Variants in PRLR observed in about 807,000 individuals in gnomAD.
PRLR encodes prolactin receptor, also known as hPRL receptor.
PRLR carries 13 observed loss-of-function variants against 40.2 expected under a neutral mutation model. The observed-to-expected ratio is 0.32, with a 90% CI of 0.21 to 0.51. The LOEUF (loss-of-function observed/expected upper bound fraction) is 0.51. PRLR is among the 20% of genes least tolerant of loss of function. PRLR has a pLI of 0.97. For missense variants in PRLR, 656 were observed against 747.3 expected (o/e 0.88, Z 1.42); for synonymous variants, 269 against 278.7 (o/e 0.97, Z 0.35).
chr5:35,189,703 A>T lies in PRLR; in HGVS notation c.-106+40565T>A, dbSNP rs550092185. Among the ~76,000 whole-genome samples, 33 of 152,274 alleles carry T rather than the reference A, an allele frequency of 2.2e-4. No individual in the cohort carries two copies. The Middle Eastern group carries it at 0.01, about 47-fold the overall frequency. ...GTGGGAGTCAAGACGCCGGAGTTCT[A>T]GGTTCTTTGCACCTCATTTAGCTCT... On this transcript the variant is annotated intron_variant, in intron 1 of 9. Coordinates refer to ENST00000618457, the MANE Select transcript of PRLR (RefSeq NM_000949.7).
chr5:35,092,939 C>T (rs1022485281), intron 2 of PRLR, among the ~76,000 whole-genome samples: 2 of 152,186 alleles, frequency 1.3e-5, no homozygotes, highest in African/African-American at 4.8e-5. Context: ...CCTCCCCTTA[C>T]CATATGCAAA....
At position 35,219,239 on chromosome 5, in the gene PRLR, A is replaced by G. The variant is rs535502847; in HGVS notation, c.-106+11029T>C. On this transcript the variant is annotated intron_variant, in intron 1 of 9. Coordinates refer to ENST00000618457, the MANE Select transcript of PRLR (RefSeq NM_000949.7). ...TCTACTTCTGAAGGTGGCAGCTTCAATTACATAGAAAAGTGGCACAACATA... is the reference window on the plus strand; with the variant it reads ...TCTACTTCTGAAGGTGGCAGCTTCAGTTACATAGAAAAGTGGCACAACATA... Among the ~76,000 whole-genome samples the G allele has an allele frequency of 1.4e-4, 22 of 152,334 alleles. No homozygotes were observed. The East Asian group carries it at 4.2e-3, about 29-fold the overall frequency.
intron 1 of PRLR, among the ~76,000 whole-genome samples, chr5:35,220,288 C>T (rs1776383214): frequency 6.6e-6 from 1 of 152,194 alleles, no homozygotes; most frequent in South Asian, 2.1e-4. Flanking sequence ...TACCTCGGGT[C>T]CAGCCACAAT....
In PRLR at chr5:35,083,068, T is replaced by TACACACAC. The variant is rs3836809; in HGVS notation, c.373+1394_373+1401dup. On this transcript the variant is annotated intron_variant, in intron 5 of 9. Transcript: ENST00000618457. ...ATTATAATGCTTGAGGGTAAGGCAA[T>TACACACAC]ACACACACACACACACACACACACA... is the stretch of plus-strand genomic sequence containing the variant. 8.7e-3 allele frequency among the ~76,000 whole-genome samples: 1,254 copies of TACACACAC among 144,818 alleles called. 13 individuals carry two copies. The highest frequency in any genetic ancestry group is 0.02 in the African/African-American group (801 of 39,774).
At chr5:35,148,991 A>C (rs763985082) in intron 1 of PRLR, among the ~76,000 whole-genome samples, 1 of 152,140 alleles carries the variant, frequency 6.6e-6, no homozygotes, top group African/African-American at 2.4e-5. Flanking sequence ...ATTTTTGAGG[A>C]CAGATGATCC....
rs1400161858 is a variant in PRLR at position 35,056,412 on chromosome 5, A to T, written c.*8677T>A. ...GGGCTTTTCAATAATTCTATTTCTT[A>T]TCCTTCTCCCTAGTCCCCCCACTGC... On this transcript the variant is annotated 3_prime_UTR_variant, in exon 10 of 10. Coordinates refer to ENST00000618457, the MANE Select transcript of PRLR (RefSeq NM_000949.7). 1 of 152,022 alleles carries T rather than the reference A, an allele frequency of 6.6e-6. No individual in the cohort carries two copies. Among genetic ancestry groups the T allele is most frequent in the Admixed American group, 6.6e-5 (1 of 15,242 alleles). The allele number at this position is 152,022 out of a possible 1,614,324, so 9.4% of individuals were successfully genotyped here.
chr5:35,178,006 A>G (rs1194132525), intron 1 of PRLR, among the ~76,000 whole-genome samples: 1 of 151,322 alleles, frequency 6.6e-6, no homozygotes, highest in Non-Finnish European at 1.5e-5. Flanking sequence ...AATCATAGCC[A>G]TCCTAGTGAC....
At chr5:35,182,969 T>C (rs927030099) in intron 1 of PRLR, among the ~76,000 whole-genome samples, 6 of 152,250 alleles carry the variant, frequency 3.9e-5, no homozygotes, top group Non-Finnish European at 2.9e-5. Context: ...ACACTCTTCT[T>C]GTTTACCCAC....
At chr5:35,136,090 AG>A (rs1773850428) in intron 1 of PRLR, among the ~76,000 whole-genome samples, 1 of 152,256 alleles carries the variant, frequency 6.6e-6, no homozygotes, top group Non-Finnish European at 1.5e-5. Flanking sequence ...AATGTGAGGT[AG>A]GGAAATCATA....
At chr5:35,220,822 T>G (rs1335233239) in intron 1 of PRLR, among the ~76,000 whole-genome samples, 1 of 152,208 alleles carries the variant, frequency 6.6e-6, no homozygotes, top group African/African-American at 2.4e-5. Flanking sequence ...AACAAAATGC[T>G]ACATCACCTT....
intron 1 of PRLR, among the ~76,000 whole-genome samples, chr5:35,123,524 G>A (rs938413448): frequency 2.0e-5 from 3 of 152,174 alleles, no homozygotes; most frequent in African/African-American, 7.2e-5. Context: ...CCTAATACAT[G>A]TTGGGTGCTA....
intron 5 of PRLR, among the ~76,000 whole-genome samples, chr5:35,073,256 T>C (rs1275883035): frequency 2.0e-5 from 3 of 152,218 alleles, no homozygotes; most frequent in African/African-American, 7.2e-5. Context: ...TTACATCTTA[T>C]ATTCAACATA....
rs894474064 is a variant in PRLR at position 35,055,903 on chromosome 5, A to T, written c.*9186T>A. The T allele has an allele frequency of 3.3e-5, 5 of 152,210 alleles. No homozygotes were observed. Among genetic ancestry groups the T allele is most frequent in the Non-Finnish European group, 1.5e-5 (1 of 68,038 alleles). The allele number at this position is 152,210 out of a possible 1,614,324, so 9.4% of individuals were successfully genotyped here. ...AATTTTTAATAACTTTATAAGGAGC[A>T]AATGTGTCACCTTAAAAATGTACCA... On this transcript the variant is annotated 3_prime_UTR_variant, in exon 10 of 10. Coordinates refer to ENST00000618457, the MANE Select transcript of PRLR (RefSeq NM_000949.7).
At chr5:35,049,498 T>C (rs1768403859) in intron 8 of PRLR, 2 of 637,948 alleles carry the variant, frequency 3.1e-6, no homozygotes, top group Non-Finnish European at 5.6e-6. Flanking sequence ...AGAAAATAAA[T>C]TATTCGGATT....
chr5:35,174,235 G>A (rs555474344), intron 1 of PRLR, among the ~76,000 whole-genome samples: 46 of 152,248 alleles, frequency 3.0e-4, no homozygotes, highest in Admixed American at 9.8e-4. Context: ...GACTACAGGC[G>A]TAGGCCGCCA....
intron 2 of PRLR, among the ~76,000 whole-genome samples, chr5:35,094,345 G>T (rs1771403779): frequency 6.6e-6 from 1 of 152,112 alleles, no homozygotes; most frequent in South Asian, 2.1e-4. Context: ...CATCCTTGTT[G>T]TTACATGTAG....
intron 5 of PRLR, among the ~76,000 whole-genome samples, chr5:35,078,491 A>G (rs1770265985): frequency 6.6e-6 from 1 of 152,156 alleles, no homozygotes; most frequent in African/African-American, 2.4e-5. Context: ...ACACCCTCCC[A>G]AGACTAAACC....
intron 8 of PRLR, among the ~76,000 whole-genome samples, chr5:35,050,660 C>T (rs1450845340): frequency 6.6e-6 from 1 of 152,164 alleles, no homozygotes; most frequent in Non-Finnish European, 1.5e-5. Flanking sequence ...CACACAGGTT[C>T]ACCAGTGATT....
At chr5:35,090,874 G>C (rs1467199683) in intron 2 of PRLR, among the ~76,000 whole-genome samples, 1 of 136,838 alleles carries the variant, frequency 7.3e-6, no homozygotes, top group Non-Finnish European at 1.5e-5. Flanking sequence ...GCAGTGGCGC[G>C]ATCTGGGCTC....
Sources: allele counts gnomAD v4.1 joint callset (sites outside exome capture counted in the v4.1 genomes callset), GRCh38; gene constraint gnomAD v4.1.1; transcripts MANE v1.5; gene names NCBI Gene and HGNC (gene_info 2026-07-23, HGNC 2026-07-21).